Variants in COL22A1 observed in about 807,000 individuals in gnomAD.
COL22A1 encodes collagen type XXII alpha 1 chain.
COL22A1 carries 221 observed loss-of-function variants against 248.9 expected under a neutral mutation model. That is an observed-to-expected ratio of 0.89 (90% CI 0.80 to 0.99). The LOEUF is 0.99. Among genes scored for constraint, COL22A1 ranks in the 50% least tolerant of loss-of-function variants. COL22A1 has a pLI of 0.00. For synonymous variants in COL22A1, 891 were observed against 793.4 expected (o/e 1.12, Z -2.07); for missense variants, 2,240 against 2,179.0 (o/e 1.03, Z -0.56).
chr8:138,696,849 C>A, intron 32 of COL22A1, among the ~76,000 whole-genome samples: 1 of 152,222 alleles, frequency 6.6e-6, no homozygotes, highest in East Asian at 1.9e-4. Context: ...TCACCACAGA[C>A]AATAATACCA....
chr8:138,802,565 G>A (rs901112945), intron 11 of COL22A1, among the ~76,000 whole-genome samples: 3 of 152,128 alleles, frequency 2.0e-5, no homozygotes, highest in South Asian at 2.1e-4. Flanking sequence ...CCTGTGTAAT[G>A]GCCAGAGTCA....
At chr8:138,811,703 G>A (rs903657356) in intron 9 of COL22A1, 96 bp downstream of exon 9, 1 of 1,451,460 alleles carries the variant, frequency 6.9e-7, no homozygotes, top group East Asian at 2.3e-5. Flanking sequence ...GGGCCTCCTG[G>A]TGCCCCCCTG....
At chr8:138,769,475 C>G (rs113701216) in intron 16 of COL22A1, among the ~76,000 whole-genome samples, 206 of 152,308 alleles carry the variant, frequency 1.4e-3, no homozygotes, top group African/African-American at 4.6e-3. Context: ...TGGCTGCCCC[C>G]ACCCAGACAC....
intron 29 of COL22A1, 66 bp from the exon 30 acceptor site, chr8:138,715,801 G>T: frequency 1.7e-6 from 2 of 1,152,452 alleles, no homozygotes; most frequent in Non-Finnish European, 2.6e-6. Flanking sequence ...GCCTCTTCAA[G>T]GTAAGAGCAA....
chr8:138,630,648 AG>A, intron 50 of COL22A1, 46 bp downstream of exon 50: 1 of 1,558,878 alleles, frequency 6.4e-7, no homozygotes, highest in Non-Finnish European at 8.8e-7. Flanking sequence ...GGTTCCAGAA[AG>A]GCTAAAGACA....
intron 39 of COL22A1, among the ~76,000 whole-genome samples, chr8:138,680,185 C>A (rs1440755065): frequency 6.6e-6 from 1 of 152,154 alleles, no homozygotes; most frequent in Middle Eastern, 3.2e-3. Context: ...GAGCTAGAAT[C>A]GGTAGCACAG....
Position 138,809,583 on chromosome 8 carries a change from C to T in COL22A1, c.1450-1771G>A, listed in dbSNP as rs181158637. ...TTGCCCAGGCTGGAGTGCAATAGCA[C>T]GATCTCGGCTCACTGCAACCTCCGC... On this transcript the variant is annotated intron_variant, in intron 9 of 64. Coordinates refer to ENST00000303045, the MANE Select transcript of COL22A1 (RefSeq NM_152888.3). Among the ~76,000 whole-genome samples the T allele has an allele frequency of 2.3e-3, 335 of 143,652 alleles. 3 individuals carry two copies. Among genetic ancestry groups the T allele is most frequent in the African/African-American group, 8.1e-3 (310 of 38,426 alleles). 94.2% of individuals were successfully genotyped at this position (143,652 alleles called of 152,430 possible). A position where few individuals can be genotyped will look rare whatever the true frequency, so the allele number is the denominator to read the frequency against.
In COL22A1 at chr8:138,676,638, A is replaced by G. The variant is rs761369772; in HGVS notation, c.3073-3T>C. The G allele has an allele frequency of 2.1e-5, 33 of 1,555,738 alleles. No homozygotes were observed. The South Asian group carries it at 3.7e-4, about 17-fold the overall frequency. Reference sequence around the variant, plus strand: ...ATCCCAGGAGCTCCTCGATCCCCCTAGAAAGAGAGAAAAATAAGATCAAGG... The same window carrying G: ...ATCCCAGGAGCTCCTCGATCCCCCTGGAAAGAGAGAAAAATAAGATCAAGG... On this transcript the variant is annotated splice_polypyrimidine_tract_variant and splice_region_variant and intron_variant, in intron 40 of 64. Transcript: ENST00000303045.
chr8:138,613,721 AG>A (rs1410168497), intron 56 of COL22A1, 145 bp downstream of exon 56: 3 of 772,032 alleles, frequency 3.9e-6, no homozygotes, highest in South Asian at 2.9e-5. Flanking sequence ...AGGGGGACTT[AG>A]GGGGGCAGCT....
chr8:138,887,914 T>C (rs745504914), intron 1 of COL22A1, among the ~76,000 whole-genome samples: 5 of 152,168 alleles, frequency 3.3e-5, no homozygotes, highest in Non-Finnish European at 5.9e-5. Context: ...TATCACTCCT[T>C]CAATCTTTGG....
At chr8:138,645,213 C>A (rs1822095941) in intron 47 of COL22A1, among the ~76,000 whole-genome samples, 1 of 152,226 alleles carries the variant, frequency 6.6e-6, no homozygotes. Flanking sequence ...GACGTACGAA[C>A]AAACATGTAC....
intron 43 of COL22A1, among the ~76,000 whole-genome samples, chr8:138,661,704 G>A (rs1823977079): frequency 6.6e-6 from 1 of 152,112 alleles, no homozygotes; most frequent in African/African-American, 2.4e-5. Context: ...CCCTGGAGAA[G>A]GCAGTGCCTG....
chr8:138,724,587 G>A (rs779350697), intron 25 of COL22A1, 28 bp downstream of exon 25: 2 of 1,610,438 alleles, frequency 1.2e-6, no homozygotes, highest in Admixed American at 3.3e-5. Context: ...GGGAGGAGGG[G>A]AGCAGGAAGA....
chr8:138,691,608 C>A (rs1185912857), intron 35 of COL22A1, among the ~76,000 whole-genome samples: 47 of 1,256 alleles, frequency 0.037, no homozygotes, highest in East Asian at 0.1. Context: ...TGTGTGCATG[C>A]ATGTGTGCAC....
chr8:138,801,820 C>T (rs1310364798), intron 11 of COL22A1, among the ~76,000 whole-genome samples: 1 of 151,864 alleles, frequency 6.6e-6, no homozygotes, highest in Non-Finnish European at 1.5e-5. Context: ...GCGGAGGTTG[C>T]AGTGAGCAAA....
chr8:138,680,152 G>C (rs567280938), intron 39 of COL22A1, among the ~76,000 whole-genome samples: 10 of 152,304 alleles, frequency 6.6e-5, no homozygotes, highest in African/African-American at 1.7e-4. Context: ...GAAGGCTAAT[G>C]GTTAAGAAAG....
At chr8:138,885,011 TGCACGCACACACACACACACAC>T (rs1824539524) in intron 1 of COL22A1, among the ~76,000 whole-genome samples, 1 of 121,172 alleles carries the variant, frequency 8.3e-6, no homozygotes, top group East Asian at 3.5e-4. Context: ...CATATGTGTG[TGCACGCACACACACACACACAC>T]GCACACACAC....
rs1821034129 is a variant in COL22A1 at position 138,635,057 on chromosome 8, G to A, written c.3562C>T (p.Pro1188Ser). The change falls in exon 49 of 65, where the codon CCT becomes TCT. Residue 1188 changes from proline (P) to serine (S), a missense_variant. Pro to Ser is a moderately conservative substitution (Grantham distance 74). Transcript: ENST00000303045. ...GGCCCCATGAAACCTGGAACTCCAG[G>A]ATGACCCTAGGAAAACACAAGATGC... ...EVGQKGDQGH[P>S]GVPGFMGPPG... is the part of the protein sequence containing the mutation. 3 of 1,608,802 alleles carry A rather than the reference G, an allele frequency of 1.9e-6. No individual in the cohort carries two copies. In the Admixed American group the frequency reaches 5.1e-5, roughly 27 times the overall value.
intron 63 of COL22A1, among the ~76,000 whole-genome samples, 186 bp from the exon 64 acceptor site, chr8:138,591,687 C>G (rs537286838): frequency 6.6e-6 from 1 of 152,280 alleles, no homozygotes; most frequent in East Asian, 1.9e-4. Context: ...CATTCACACA[C>G]ACACTCCAGC....
Sources: gnomAD v4.1 joint callset for allele counts (sites outside exome capture counted in the v4.1 genomes callset) on GRCh38, gnomAD v4.1.1 for gene constraint, MANE v1.5 for transcripts, NCBI Gene and HGNC (gene_info 2026-07-23, HGNC 2026-07-21) for gene names.